The following SCML4 variants were observed in gnomAD, a reference collection of about 807,000 sequenced individuals.
SCML4 encodes the protein Scm polycomb group protein like 4.
A neutral mutation model predicts 41.1 loss-of-function variants in SCML4; 34 were observed. The ratio of observed to expected loss-of-function variants is 0.83; its 90% CI spans 0.63 to 1.10. The LOEUF is 1.10. Ranked by LOEUF, SCML4 falls within the 50% of genes least tolerant of loss-of-function variation. The pLI, the probability that SCML4 is intolerant of heterozygous loss-of-function variation, is 0.00. For missense variants in SCML4, 522 were observed against 534.1 expected, an observed-to-expected ratio of 0.98 and a Z score of 0.22; for synonymous variants, 214 against 220.9, an observed-to-expected ratio of 0.97 and a Z score of 0.28.
intron 2 of SCML4, among the ~76,000 whole-genome samples, chr6:107,767,324 G>A (rs1008436371): frequency 3.9e-5 from 6 of 152,224 alleles, no homozygotes; most frequent in South Asian, 2.1e-4. Flanking sequence ...CACAGAACCC[G>A]TGATGCCAAT....
chr6:107,815,174 G>A, intron 1 of SCML4, among the ~76,000 whole-genome samples: 1 of 152,200 alleles, frequency 6.6e-6, no homozygotes, highest in East Asian at 1.9e-4. Context: ...GTGCTCAACA[G>A]TGATGGTAAC....
At chr6:107,829,257 G>A (rs928454831), upstream of SCML4, among the ~76,000 whole-genome samples, 25 of 151,986 alleles carry the variant, frequency 1.6e-4, no homozygotes, top group African/African-American at 5.1e-4. Flanking sequence ...ATGGTGGTGC[G>A]TGCCTGTAGT....
intron 1 of SCML4, among the ~76,000 whole-genome samples, chr6:107,786,039 C>T (rs991475124): frequency 1.3e-5 from 2 of 152,188 alleles, no homozygotes; most frequent in African/African-American, 2.4e-5. Context: ...CCCCTGTGTG[C>T]AGCCCTGCAG....
chr6:107,734,251 A>C (rs1436269833), intron 5 of SCML4, among the ~76,000 whole-genome samples: 1 of 152,212 alleles, frequency 6.6e-6, no homozygotes, highest in African/African-American at 2.4e-5. Context: ...TTTAATCCAC[A>C]AAATAAATTG....
At chr6:107,798,436 G>A (rs556896634) in intron 1 of SCML4, among the ~76,000 whole-genome samples, 2 of 151,992 alleles carry the variant, frequency 1.3e-5, no homozygotes, top group South Asian at 4.2e-4. Flanking sequence ...TATTCTTAGT[G>A]ATGTAGAGAT....
intron 6 of SCML4, among the ~76,000 whole-genome samples, chr6:107,716,919 T>C (rs1488383252): frequency 6.6e-6 from 1 of 152,086 alleles, no homozygotes; most frequent in African/African-American, 2.4e-5. Context: ...CCACTTCCTC[T>C]GTCTCACTGC....
At chr6:107,768,418 T>C (rs1231058506) in intron 2 of SCML4, among the ~76,000 whole-genome samples, 1 of 152,272 alleles carries the variant, frequency 6.6e-6, no homozygotes, top group Non-Finnish European at 1.5e-5. Flanking sequence ...TAAGTCATTT[T>C]AACTATTTTG....
intron 5 of SCML4, among the ~76,000 whole-genome samples, chr6:107,735,798 C>CA (rs10714127): frequency 1.6e-4 from 22 of 138,024 alleles, no homozygotes; most frequent in African/African-American, 5.3e-4. Context: ...GACCTTGTCT[C>CA]AAAAAAAAAA....
At chr6:107,844,622 C>T in the SCML4 span, among the ~76,000 whole-genome samples, 1 of 151,638 alleles carries the variant, frequency 6.6e-6, no homozygotes, top group Non-Finnish European at 1.5e-5. Flanking sequence ...TCACTTGAGG[C>T]CAAGAGTTCG....
chr6:107,785,919 G>A (rs1341474382), intron 1 of SCML4, among the ~76,000 whole-genome samples: 2 of 152,088 alleles, frequency 1.3e-5, no homozygotes, highest in Non-Finnish European at 2.9e-5. Context: ...CAGCTCCTCC[G>A]CACCTCACCC....
At chr6:107,813,293 G>A (rs1028260649) in intron 1 of SCML4, among the ~76,000 whole-genome samples, 1 of 147,994 alleles carries the variant, frequency 6.8e-6, no homozygotes, top group Non-Finnish European at 1.5e-5. Context: ...AGCCTGGGAG[G>A]CAGAGGCTGC....
chr6:107,767,357 A>G (rs1780144810), intron 2 of SCML4, among the ~76,000 whole-genome samples: 1 of 152,216 alleles, frequency 6.6e-6, no homozygotes, highest in Non-Finnish European at 1.5e-5. Context: ...ATGAAAACAC[A>G]TTTAGAAAGA....
intron 7 of SCML4, among the ~76,000 whole-genome samples, chr6:107,707,059 T>C (rs573078164): frequency 1.3e-5 from 2 of 152,282 alleles, no homozygotes; most frequent in Middle Eastern, 3.4e-3. Context: ...TACAGTGCCA[T>C]GCGCGGTGGC....
At chr6:107,743,399 C>T (rs1777767730) in intron 5 of SCML4, among the ~76,000 whole-genome samples, 1 of 152,124 alleles carries the variant, frequency 6.6e-6, no homozygotes, top group South Asian at 2.1e-4. Flanking sequence ...TGATGATGTC[C>T]CATGGGTCAT....
At chr6:107,809,414 A>G (rs1445658324) in intron 1 of SCML4, among the ~76,000 whole-genome samples, 1 of 152,210 alleles carries the variant, frequency 6.6e-6, no homozygotes, top group Non-Finnish European at 1.5e-5. Context: ...AAGGGAGGAG[A>G]AAATATAGGC....
intron 2 of SCML4, among the ~76,000 whole-genome samples, chr6:107,753,862 C>T (rs905178651): frequency 6.6e-6 from 1 of 152,196 alleles, no homozygotes; most frequent in Non-Finnish European, 1.5e-5. Context: ...GACGCACATA[C>T]TTTCCATCTA....
At chr6:107,841,124 G>A in the SCML4 span, among the ~76,000 whole-genome samples, 1 of 148,558 alleles carries the variant, frequency 6.7e-6, no homozygotes, top group Non-Finnish European at 1.5e-5. Context: ...AGGGTCATTG[G>A]TATTGACCAA....
At chr6:107,761,332 A>C (rs1310581785) in intron 2 of SCML4, among the ~76,000 whole-genome samples, 3 of 152,202 alleles carry the variant, frequency 2.0e-5, no homozygotes, top group Non-Finnish European at 4.4e-5. Flanking sequence ...ATAGAGAAAA[A>C]TCTTAAAATT....
chr6:107,781,989 C>CT (rs776476472), intron 1 of SCML4, among the ~76,000 whole-genome samples: 1 of 152,196 alleles, frequency 6.6e-6, no homozygotes, highest in Non-Finnish European at 1.5e-5. Context: ...CCTGTAAAAG[C>CT]TATCACTATT....
Sources: gnomAD v4.1 joint callset for allele counts (sites outside exome capture counted in the v4.1 genomes callset) on GRCh38, gnomAD v4.1.1 for gene constraint, MANE v1.5 for transcripts, NCBI Gene and HGNC (gene_info 2026-07-23, HGNC 2026-07-21) for gene names.